The following TBL1Y variants were observed in gnomAD, a reference collection of about 807,000 sequenced individuals.
TBL1Y encodes F-box-like/WD repeat-containing protein TBL1Y.
TBL1Y carries 15 observed loss-of-function variants against 12.0 expected under a neutral mutation model. That is an observed-to-expected ratio of 1.25 (90% CI 0.83 to 1.92). TBL1Y has a LOEUF of 1.92. Among genes scored for constraint, TBL1Y ranks in the 40% most tolerant of loss-of-function variants. The probability of loss-of-function intolerance (pLI) is 0.00; values close to 1 mark genes in which losing one functional copy is unlikely to be tolerated. For missense variants in TBL1Y, 148 were observed against 116.7 expected (o/e 1.27, Z -1.24); for synonymous variants, 53 against 42.6 (o/e 1.24, Z -0.95).
chrY:7,035,979 T>C, intron 6 of TBL1Y, among the ~76,000 whole-genome samples: 2 of 33,442 alleles, frequency 6.0e-5, no homozygotes, highest in African/African-American at 1.2e-4. Context: ...ACAAGCTATG[T>C]CAGAAGATTG....
intron 2 of TBL1Y, among the ~76,000 whole-genome samples, chrY:6,936,596 C>T (rs923759093): frequency 3.0e-5 from 1 of 33,751 alleles, no homozygotes; most frequent in Admixed American, 2.7e-4. Flanking sequence ...TCTTTTATTT[C>T]GGGGGAAAGA....
chrY:7,074,698 C>T, intron 13 of TBL1Y, 78 bp downstream of exon 13: 1 of 310,988 alleles, frequency 3.2e-6, no homozygotes, highest in East Asian at 9.9e-5. Flanking sequence ...CATCTATAAT[C>T]CAAGCACTTT....
At chrY:7,047,886 A>C in intron 7 of TBL1Y, among the ~76,000 whole-genome samples, 1 of 27,980 alleles carries the variant, frequency 3.6e-5, no homozygotes, top group South Asian at 9.1e-4. Flanking sequence ...CAGCCTCCCG[A>C]GTAGCTGGGA....
intron 2 of TBL1Y, among the ~76,000 whole-genome samples, chrY:6,966,400 A>C: frequency 6.1e-5 from 2 of 32,699 alleles, no homozygotes; most frequent in Non-Finnish European, 1.5e-4. Flanking sequence ...GTTTCTTCCT[A>C]AAGAGATTTT....
chrY:7,014,988 T>G (rs2012541786), intron 4 of TBL1Y, among the ~76,000 whole-genome samples: 1 of 33,418 alleles, frequency 3.0e-5, no homozygotes, highest in Non-Finnish European at 7.4e-5. Flanking sequence ...CTGCCCTGCT[T>G]TTTGACACTA....
intron 12 of TBL1Y, among the ~76,000 whole-genome samples, chrY:7,073,005 C>T: frequency 8.8e-5 from 3 of 34,141 alleles, no homozygotes; most frequent in African/African-American, 3.4e-4. Flanking sequence ...GTTTTTACAT[C>T]AATTTGTGTT....
intron 2 of TBL1Y, among the ~76,000 whole-genome samples, chrY:6,976,219 C>T (rs762472734): frequency 3.0e-5 from 1 of 33,231 alleles, no homozygotes; most frequent in Admixed American, 2.8e-4. Context: ...TATAGGTGAG[C>T]CACCACACCC....
intron 7 of TBL1Y, among the ~76,000 whole-genome samples, chrY:7,043,446 A>G (rs2012739296): frequency 3.2e-5 from 1 of 31,187 alleles, no homozygotes; most frequent in Non-Finnish European, 7.7e-5. Context: ...ATACTGCCTA[A>G]GCCCACAAGG....
chrY:7,045,045 C>G, intron 7 of TBL1Y, among the ~76,000 whole-genome samples: 1 of 32,992 alleles, frequency 3.0e-5, no homozygotes, highest in Non-Finnish European at 7.4e-5. Flanking sequence ...CCTGGCAACC[C>G]GTCCATCTCT....
Position 6,970,305 on chromosome Y carries a change from T to A in TBL1Y, c.-265-7908T>A, listed in dbSNP as rs775116719. Reference sequence around the variant, plus strand: ...ACACTTATTTATTTATTTACTTTATTTATTTAAATGAAGTCTTGCTCTTTC... The same window carrying A: ...ACACTTATTTATTTATTTACTTTATATATTTAAATGAAGTCTTGCTCTTTC... On this transcript the variant is annotated intron_variant, in intron 2 of 18. Transcript: ENST00000383032. Among the ~76,000 whole-genome samples the A allele has an allele frequency of 1.8e-4, 6 of 33,473 alleles. No individual in the cohort carries two copies. In the East Asian group the frequency reaches 4.7e-3, roughly 26 times the overall value. 89.8% of individuals were successfully genotyped at this position (33,473 alleles called of 37,273 possible).
At chrY:7,037,469 A>AT (rs2012699671) in intron 6 of TBL1Y, among the ~76,000 whole-genome samples, 6 of 32,999 alleles carry the variant, frequency 1.8e-4, no homozygotes, top group Admixed American at 1.4e-3. Flanking sequence ...ATTGTTTCTC[A>AT]TTTTTTTCTA....
chrY:7,027,307 T>C, intron 6 of TBL1Y, among the ~76,000 whole-genome samples: 1 of 33,595 alleles, frequency 3.0e-5, no homozygotes, highest in East Asian at 7.9e-4. Flanking sequence ...AGTCCTGAAG[T>C]TTTGGTTAGG....
intron 12 of TBL1Y, among the ~76,000 whole-genome samples, chrY:7,073,478 G>A (rs767277875): frequency 6.4e-5 from 2 of 31,285 alleles, no homozygotes; most frequent in African/African-American, 1.2e-4. Context: ...TCTGTCTCTC[G>A]TTAACTCATC....
chrY:6,988,392 C>A, intron 3 of TBL1Y, among the ~76,000 whole-genome samples: 1 of 33,005 alleles, frequency 3.0e-5, no homozygotes, highest in South Asian at 6.8e-4. Flanking sequence ...GGTTTGGTGA[C>A]TAGCACCTGT....
At chrY:7,064,215 G>C in intron 8 of TBL1Y, 66 bp downstream of exon 8, 1 of 366,577 alleles carries the variant, frequency 2.7e-6, no homozygotes, top group Admixed American at 7.6e-5. Context: ...TTAAATCTGG[G>C]TCAGTCTGAA....
intron 3 of TBL1Y, among the ~76,000 whole-genome samples, chrY:6,988,074 T>C (rs768248113): frequency 3.0e-5 from 1 of 33,585 alleles, no homozygotes; most frequent in Admixed American, 2.7e-4. Context: ...TCAGGAGGGA[T>C]TGACCTGAGT....
At chrY:6,938,690 G>T in intron 2 of TBL1Y, among the ~76,000 whole-genome samples, 1 of 33,176 alleles carries the variant, frequency 3.0e-5, no homozygotes, top group Non-Finnish European at 7.4e-5. Context: ...CTGACTTCAA[G>T]AATGAAGCCA....
At chrY:7,046,228 A>T (rs2012757254) in intron 7 of TBL1Y, among the ~76,000 whole-genome samples, 1 of 33,084 alleles carries the variant, frequency 3.0e-5, no homozygotes, top group East Asian at 7.9e-4. Context: ...CATCAGGGAG[A>T]CTATTATTAT....
chrY:7,003,093 T>C, intron 4 of TBL1Y, among the ~76,000 whole-genome samples: 2 of 33,875 alleles, frequency 5.9e-5, no homozygotes, highest in Admixed American at 5.4e-4. Context: ...TTTCTTAATT[T>C]CCTACTTCAA....
Sources: allele counts gnomAD v4.1 joint callset (sites outside exome capture counted in the v4.1 genomes callset), GRCh38; gene constraint gnomAD v4.1.1; transcripts MANE v1.5; gene names NCBI Gene and HGNC (gene_info 2026-07-23, HGNC 2026-07-21).